Variants in STARD3 observed in about 807,000 individuals in gnomAD.
STARD3 encodes the protein StAR related lipid transfer domain containing 3, also known as stAR-related lipid transfer protein 3.
In STARD3, 39 loss-of-function variants were observed where a neutral mutation model predicts 62.0. That is an observed-to-expected ratio of 0.63 (90% CI 0.49 to 0.82). The LOEUF (loss-of-function observed/expected upper bound fraction) is 0.82, where lower values mean the gene tolerates loss of function less well. Ranked by LOEUF, STARD3 falls within the 40% of genes least tolerant of loss-of-function variation. The probability of loss-of-function intolerance (pLI) is 0.00; values close to 1 mark genes in which losing one functional copy is unlikely to be tolerated. For synonymous variants in STARD3, 229 were observed against 242.4 expected, an observed-to-expected ratio of 0.94 and a Z score of 0.51; for missense variants, 543 against 584.5, an observed-to-expected ratio of 0.93 and a Z score of 0.73.
intron 2 of STARD3, among the ~76,000 whole-genome samples, chr17:39,656,047 C>T (rs2057126187): frequency 6.6e-6 from 1 of 151,876 alleles, no homozygotes; most frequent in South Asian, 2.1e-4. Flanking sequence ...GGGGGCCTCA[C>T]CGGCAGCCAG....
chr17:39,653,161 A>G (rs1452199481), intron 1 of STARD3: 4 of 303,300 alleles, frequency 1.3e-5, no homozygotes, highest in African/African-American at 8.6e-5. Context: ...TAGGCCTGGT[A>G]GGAGCAGGCT....
Position 39,657,896 on chromosome 17 carries a change from T to A in STARD3, c.375+44T>A, listed in dbSNP as rs750672536. 2.6e-5 allele frequency: 42 copies of A among 1,613,786 alleles called. No individual in the cohort carries two copies. In the South Asian group the frequency reaches 4.6e-4, roughly 18 times the overall value. ...GGCAGCTTCTGGGCCCTGGCAGGGCTGGTGGAAGGGATGGGATGGAGGAGG... is the reference window on the plus strand; with the variant it reads ...GGCAGCTTCTGGGCCCTGGCAGGGCAGGTGGAAGGGATGGGATGGAGGAGG... On this transcript the variant is annotated intron_variant, in intron 4 of 14. Transcript: ENST00000336308.
rs140193669 is a variant in STARD3, at chr17:39,641,240, G to A, written c.-52+4009G>A. 2.2e-4 allele frequency among the ~76,000 whole-genome samples: 33 copies of A among 152,164 alleles called. No homozygotes were observed. In the East Asian group the frequency reaches 3.5e-3, roughly 16 times the overall value. On this transcript the variant is annotated intron_variant, in intron 1 of 14. Coordinates refer to ENST00000336308, the MANE Select transcript of STARD3 (RefSeq NM_006804.4). ...CTAGCTAACTTACTAGACATGTACC[G>A]TGGCCAGGCACTGTGGCTGTGACTT...
At chr17:39,661,133 G>A (rs1478175276) in intron 13 of STARD3, 48 bp downstream of exon 13, 1 of 1,564,862 alleles carries the variant, frequency 6.4e-7, no homozygotes, top group Non-Finnish European at 8.8e-7. Context: ...CCTCCCCTGG[G>A]AGCATTGAGC....
chr17:39,659,395 C>T, intron 8 of STARD3, 66 bp from the exon 9 acceptor site: 2 of 1,488,180 alleles, frequency 1.3e-6, no homozygotes, highest in African/African-American at 1.4e-5. Flanking sequence ...AGAGAGAGAA[C>T]AGGCCACGAA....
chr17:39,661,145 G>C (rs2145044819), intron 13 of STARD3, 60 bp downstream of exon 13: 1 of 1,508,870 alleles, frequency 6.6e-7, no homozygotes, highest in East Asian at 2.3e-5. Context: ...GCATTGAGCA[G>C]TGCAGGGTAC....
At chr17:39,647,964 G>A (rs946626063) in intron 1 of STARD3, among the ~76,000 whole-genome samples, 2 of 152,048 alleles carry the variant, frequency 1.3e-5, no homozygotes, top group African/African-American at 4.8e-5. Flanking sequence ...GGGCAACATA[G>A]ACCTTGTCTC....
At chr17:39,650,979 C>T (rs139519660) in intron 1 of STARD3, among the ~76,000 whole-genome samples, 2 of 152,324 alleles carry the variant, frequency 1.3e-5, no homozygotes, top group African/African-American at 4.8e-5. Context: ...CGGCCTGTCA[C>T]CATGAGGGAT....
chr17:39,649,853 G>A (rs1172316879), intron 1 of STARD3, among the ~76,000 whole-genome samples: 3 of 125,388 alleles, frequency 2.4e-5, no homozygotes, highest in Non-Finnish European at 4.9e-5. Context: ...GCCACAGAGT[G>A]AGACTCCGTC....
Position 39,663,028 on chromosome 17 carries a change from C to A in STARD3, c.*120C>A. The stretch of plus-strand genomic sequence containing the variant: ...CCTGGCCCCAGGCTGTCACCCTCCA[C>A]CGAGCCACGCAGTGCCTGGAGTTGA... On this transcript the variant is annotated 3_prime_UTR_variant, in exon 15 of 15. Transcript: ENST00000336308. The A allele has an allele frequency of 2.0e-6, 2 of 1,020,396 alleles. No homozygotes were observed. The highest frequency in any genetic ancestry group is 2.8e-6 in the Non-Finnish European group (2 of 713,622). 63.2% of individuals were successfully genotyped at this position (1,020,396 alleles called of 1,614,324 possible). A position where few individuals can be genotyped will look rare whatever the true frequency, so the allele number is the denominator to read the frequency against.
At chr17:39,648,856 G>C (rs974590245) in intron 1 of STARD3, among the ~76,000 whole-genome samples, 1 of 152,192 alleles carries the variant, frequency 6.6e-6, no homozygotes, top group African/African-American at 2.4e-5. Context: ...TGTCAGTGTG[G>C]TTGCCACTCC....
intron 13 of STARD3, 198 bp downstream of exon 13, chr17:39,661,283 G>A (rs2145047421): frequency 1.7e-6 from 1 of 605,460 alleles, no homozygotes; most frequent in South Asian, 2.0e-5. Flanking sequence ...GGGGGTGGTG[G>A]ACAGCTGGAA....
In STARD3 at chr17:39,660,868, C is replaced by G. The variant is rs565032635; in HGVS notation, c.1013C>G (p.Ala338Gly). 11 of 1,599,510 alleles carry G rather than the reference C, an allele frequency of 6.9e-6. No homozygotes were observed. The highest frequency in any genetic ancestry group is 9.4e-6 in the Non-Finnish European group (11 of 1,170,898). The change falls in exon 12 of 15, where the codon GCG (alanine) becomes GGG (glycine). Residue 338 changes from alanine (A) to glycine (G), a missense_variant. Ala to Gly is a moderately conservative substitution (Grantham distance 60). Coordinates refer to ENST00000336308, the MANE Select transcript of STARD3 (RefSeq NM_006804.4). This position sits in a 1 kb window ranked among gnomAD's most constrained non-coding sequence, Gnocchi z 4.8. ...TCCTATGACGTGTCTGCAGGGGCTG[C>G]GGGCGGCGTGGTCTCCCCAAGGTGA... is the stretch of plus-strand genomic sequence containing the variant. ...LISYDVSAGAAGGVVSPRDFV... is the reference protein window; with the variant it reads ...LISYDVSAGAGGGVVSPRDFV...
intron 1 of STARD3, among the ~76,000 whole-genome samples, chr17:39,647,687 A>G (rs1165000597): frequency 6.6e-6 from 1 of 152,194 alleles, no homozygotes; most frequent in African/African-American, 2.4e-5. Context: ...TTCAAACCCT[A>G]GCCAACGAGG....
At chr17:39,661,432 TG>T (rs751140374) in intron 13 of STARD3, 2 of 275,868 alleles carry the variant, frequency 7.2e-6, no homozygotes, top group Non-Finnish European at 1.4e-5. Flanking sequence ...CTCTATGCTC[TG>T]GGTTTCATCT....
At chr17:39,646,910 C>G (rs1048163944) in intron 1 of STARD3, among the ~76,000 whole-genome samples, 1 of 152,028 alleles carries the variant, frequency 6.6e-6, no homozygotes, top group African/African-American at 2.4e-5. Context: ...GATGGTAAAA[C>G]CTCCACTTTT....
chr17:39,656,505 G>A (rs1464251121), intron 2 of STARD3, among the ~76,000 whole-genome samples: 2 of 152,166 alleles, frequency 1.3e-5, no homozygotes, highest in Non-Finnish European at 2.9e-5. Flanking sequence ...CTCAAGCAGC[G>A]TGATGGATTT....
chr17:39,658,772 G>A lies in STARD3; in HGVS notation c.598G>A (p.Gly200Ser), dbSNP rs147293747. 79 of 1,613,988 alleles carry A rather than the reference G, an allele frequency of 4.9e-5. No homozygotes were observed. Among genetic ancestry groups the A allele is most frequent in the East Asian group, 4.7e-4 (21 of 44,862 alleles). The change falls in exon 7 of 15, where the codon GGT becomes AGT. Residue 200 changes from glycine to serine, a missense_variant. By Grantham distance (56) the Gly-to-Ser change is moderately conservative. Coordinates refer to ENST00000336308, the MANE Select transcript of STARD3 (RefSeq NM_006804.4). Reference protein sequence around the residue: ...AVARGPLLFSGALSEGQFYSP... With the variant: ...AVARGPLLFSSALSEGQFYSP... Reference sequence around the variant, plus strand: ...TGCCCGTGGACCCCTGCTGTTCTCCGGTGCTCTGTCCGAGGGACAGTTCTA... The same window carrying A: ...TGCCCGTGGACCCCTGCTGTTCTCCAGTGCTCTGTCCGAGGGACAGTTCTA...
chr17:39,662,301 C>G lies in STARD3; in HGVS notation c.1190C>G (p.Pro397Arg). ...ATCGTGCTCAAGTCGGCCAGTAACC[C>G]CCGTGTTTGCACCTTTGTCTGGATT... ...GFIVLKSASN[P>R]RVCTFVWILN... is the part of the protein sequence containing the mutation. Residue 397 changes from proline to arginine, a missense_variant, in exon 14 of 15, where the codon CCC (proline) becomes CGC (arginine). Physicochemically the swap from Pro to Arg is moderately radical, Grantham distance 103 (BLOSUM62 -2). Transcript: ENST00000336308. The G allele has an allele frequency of 6.2e-7, 1 of 1,614,040 alleles. No individual in the cohort carries two copies. Among genetic ancestry groups the G allele is most frequent in the East Asian group, 2.2e-5 (1 of 44,876 alleles).
Sources: gnomAD v4.1 joint callset for allele counts (sites outside exome capture counted in the v4.1 genomes callset) on GRCh38, gnomAD v4.1.1 for gene constraint, Gnocchi (gnomAD v3.1) non-coding constraint, MANE v1.5 for transcripts, NCBI Gene and HGNC (gene_info 2026-07-23, HGNC 2026-07-21) for gene names.